CD8A: variants seen among roughly 807,000 people sequenced by gnomAD.
The protein encoded by CD8A is CD8 subunit alpha.
A neutral mutation model predicts 24.2 loss-of-function variants in CD8A; 25 were observed. The observed-to-expected ratio is 1.03, with a 90% CI of 0.75 to 1.44. The LOEUF is 1.44. CD8A is among the 40% of genes most tolerant of loss of function. The pLI is 0.00. For missense variants in CD8A, 360 were observed against 319.7 expected, an observed-to-expected ratio of 1.13 and a Z score of -0.96; for synonymous variants, 165 against 149.9, an observed-to-expected ratio of 1.10 and a Z score of -0.74.
intron 2 of CD8A, 71 bp from the exon 3 acceptor site, chr2:86,789,821 C>T: frequency 1.1e-6 from 1 of 887,076 alleles, no homozygotes. Flanking sequence ...CGGCCTCGCG[C>T]ACCTTTCCCC....
In CD8A at chr2:86,789,418, A is replaced by T; in HGVS notation, c.530T>A (p.Leu177Gln). 2 of 1,613,748 alleles carry T rather than the reference A, an allele frequency of 1.2e-6. No homozygotes were observed. The highest frequency in any genetic ancestry group is 1.3e-5 in the African/African-American group (1 of 75,072). The change falls in exon 4 of 6, where the codon CTG becomes CAG. Residue 177 changes from leucine (L) to glutamine (Q), a missense_variant. By Grantham distance (113) the Leu-to-Gln change is moderately radical (BLOSUM62 -2). Coordinates refer to ENST00000283635, the MANE Select transcript of CD8A (RefSeq NM_001768.7). ...GATGTAGATATCACAGGCGAAGTCC[A>T]GCCCCCTCGTGTGCACTGACGACAC... Reference protein sequence around the residue: ...AAGGAVHTRGLDFACDIYIWA... With the variant: ...AAGGAVHTRGQDFACDIYIWA...
intron 2 of CD8A, chr2:86,801,729 T>C (rs879776377): frequency 6.6e-6 from 1 of 152,188 alleles, no homozygotes; most frequent in African/African-American, 2.4e-5. Context: ...TATTTATTTA[T>C]GGAGACAAAA....
At position 86,785,260 on chromosome 2, in the gene CD8A, A is replaced by G; in HGVS notation, c.*660T>C. The G allele has an allele frequency of 2.2e-6, 1 of 451,634 alleles. No homozygotes were observed. Among genetic ancestry groups the G allele is most frequent in the African/African-American group, 2.0e-5 (1 of 49,000 alleles). The allele number at this position is 451,634 out of a possible 1,614,324, so 28.0% of individuals were successfully genotyped here. Reference sequence around the variant, plus strand: ...CTTCATTTTATTTTAGGTCTATACAATTTTAGGCTTGATTATAAAAAAAAA... The same window carrying G: ...CTTCATTTTATTTTAGGTCTATACAGTTTTAGGCTTGATTATAAAAAAAAA... On this transcript the variant is annotated 3_prime_UTR_variant, in exon 6 of 6. Transcript: ENST00000283635.
chr2:86,800,445 GAAA>G (rs753432338), intron 3 of CD8A, among the ~76,000 whole-genome samples: 1 of 80,702 alleles, frequency 1.2e-5, no homozygotes, highest in African/African-American at 4.6e-5. Context: ...CTGGGCGACA[GAAA>G]AAAAAAAAAA....
Position 86,790,760 on chromosome 2 carries a change from G to C in CD8A, c.49+17C>G, listed in dbSNP as rs764119617. 3.5e-6 allele frequency: 3 copies of C among 845,896 alleles called. No homozygotes were observed. The East Asian group carries it at 1.9e-4, about 52-fold the overall frequency. 52.4% of individuals were successfully genotyped at this position (845,896 alleles called of 1,614,324 possible). Reference sequence around the variant, plus strand: ...CGCCCGCCCCATCCCCTGCCTTCCCGGGCGTCTCAAACTCACGGAGCAGCA... The same window carrying C: ...CGCCCGCCCCATCCCCTGCCTTCCCCGGCGTCTCAAACTCACGGAGCAGCA... On this transcript the variant is annotated intron_variant, in intron 1 of 5. Transcript: ENST00000283635.
chr2:86,803,127 T>A lies in CD8A; in HGVS notation c.-417-1470A>T, dbSNP rs1438042940. ...TTATAGTGATGAAAAATGTTTGATG[T>A]CAAGTTAAAAGTGAGTAAAGAAGTA... On this transcript the variant is annotated intron_variant, in intron 2 of 8. Coordinates refer to the CD8A transcript ENST00000409511. Among the ~76,000 whole-genome samples, 8 of 152,332 alleles carry A rather than the reference T, an allele frequency of 5.3e-5. No homozygotes were observed. In the South Asian group the frequency reaches 1.2e-3, roughly 24 times the overall value.
upstream of CD8A, chr2:86,791,044 G>A (rs1188272396): frequency 2.8e-6 from 2 of 706,800 alleles, no homozygotes; most frequent in East Asian, 2.7e-5. Context: ...GCTGGGGCCC[G>A]TGAATAGGGC....
chr2:86,785,606 G>C lies in CD8A; in HGVS notation c.*314C>G. On this transcript the variant is annotated 3_prime_UTR_variant, in exon 6 of 6. Transcript: ENST00000283635. ...AACGGGCGGGGAAGAGGTTGAGATG[G>C]CATGGGTGCCTCCAGCTCTCTCAGC... 1.7e-6 allele frequency: 1 copy of C among 585,174 alleles called. No homozygotes were observed. Among genetic ancestry groups the C allele is most frequent in the South Asian group, 1.5e-5 (1 of 65,630 alleles). The allele number at this position is 585,174 out of a possible 1,614,324, so 36.2% of individuals were successfully genotyped here. A position where few individuals can be genotyped will look rare whatever the true frequency, so the allele number is the denominator to read the frequency against.
intron 2 of CD8A, among the ~76,000 whole-genome samples, chr2:86,806,884 A>AT (rs914140583): frequency 6.6e-6 from 1 of 152,130 alleles, no homozygotes; most frequent in African/African-American, 2.4e-5. Context: ...CAAAAAGAAA[A>AT]TTTTCCACTA....
At chr2:86,791,226 G>T, upstream of CD8A, 1 of 415,122 alleles carries the variant, frequency 2.4e-6, no homozygotes, top group Non-Finnish European at 4.6e-6. Flanking sequence ...CAGCAAAGGA[G>T]GGGAGTGTCC....
chr2:86,788,330 C>T (rs1434234800), intron 5 of CD8A, among the ~76,000 whole-genome samples, 200 bp downstream of exon 5: 1 of 151,158 alleles, frequency 6.6e-6, no homozygotes, highest in Non-Finnish European at 1.5e-5. Context: ...CCGCCTAACC[C>T]GGGCCTCCTT....
At chr2:86,798,471 G>C (rs570114522) in intron 3 of CD8A, among the ~76,000 whole-genome samples, 2 of 150,842 alleles carry the variant, frequency 1.3e-5, no homozygotes, top group Admixed American at 6.6e-5. Context: ...CACTGTGCCC[G>C]GCCAGAAACA....
upstream of CD8A, among the ~76,000 whole-genome samples, chr2:86,792,188 C>A (rs1420982880): frequency 1.3e-5 from 2 of 152,076 alleles, no homozygotes; most frequent in East Asian, 1.9e-4. Flanking sequence ...TGTCCTGAAA[C>A]CTTCCAGCTC....
At chr2:86,793,586 G>A (rs1203702690), upstream of CD8A, among the ~76,000 whole-genome samples, 1 of 152,212 alleles carries the variant, frequency 6.6e-6, no homozygotes, top group African/African-American at 2.4e-5. Flanking sequence ...AGCACCACCA[G>A]CACTGTATCA....
chr2:86,789,400 A>C lies in CD8A; in HGVS notation c.548T>G (p.Ile183Ser), dbSNP rs1345739399. ...CCCGGCCAAGGGCGCCCAGATGTAGATATCACAGGCGAAGTCCAGCCCCCT... is the reference window on the plus strand; with the variant it reads ...CCCGGCCAAGGGCGCCCAGATGTAGCTATCACAGGCGAAGTCCAGCCCCCT... ...HTRGLDFACD[I>S]YIWAPLAGTC... Residue 183 changes from isoleucine to serine, a missense_variant, in exon 4 of 6, where the codon ATC becomes AGC. Transcript: ENST00000283635. 6.2e-7 allele frequency: 1 copy of C among 1,613,926 alleles called. No individual in the cohort carries two copies. The highest frequency in any genetic ancestry group is 2.2e-5 in the East Asian group (1 of 44,862).
In CD8A at chr2:86,790,857, A is replaced by AG; in HGVS notation, c.-33dup. The AG allele has an allele frequency of 6.5e-7, 1 of 1,536,568 alleles. No homozygotes were observed. The highest frequency in any genetic ancestry group is 8.7e-7 in the Non-Finnish European group (1 of 1,146,006). ...CTCCCCAGGACGCTGCTTGGCTCGA[A>AG]GCTCGGGCGCGAGGGGAGGCGCGCG... On this transcript the variant is annotated 5_prime_UTR_variant, in exon 1 of 6. Transcript: ENST00000283635.
In CD8A at chr2:86,785,344, A is replaced by G. The variant is rs759977883; in HGVS notation, c.*576T>C. On this transcript the variant is annotated 3_prime_UTR_variant, in exon 6 of 6. Coordinates refer to ENST00000283635, the MANE Select transcript of CD8A (RefSeq NM_001768.7). The stretch of plus-strand genomic sequence containing the variant: ...CAAAGGCAGTTCTCTTCTTTAATTC[A>G]TTACCTCCTCGAGGCTCTGGGCACA... 2.2e-6 allele frequency: 1 copy of G among 454,014 alleles called. No individual in the cohort carries two copies. Among genetic ancestry groups the G allele is most frequent in the South Asian group, 1.6e-5 (1 of 64,468 alleles). 28.1% of individuals were successfully genotyped at this position (454,014 alleles called of 1,614,324 possible).
Position 86,790,566 on chromosome 2 carries a change from C to G in CD8A, c.165G>C (p.Ser55=), listed in dbSNP as rs767029287. 6.6e-5 allele frequency: 107 copies of G among 1,612,946 alleles called. No homozygotes were observed. Among genetic ancestry groups the G allele is most frequent in the Non-Finnish European group, 8.6e-5 (101 of 1,179,970 alleles). The change falls in exon 2 of 6, where the codon TCG becomes TCC. Residue 55 remains serine, a synonymous_variant. Coordinates refer to ENST00000283635, the MANE Select transcript of CD8A (RefSeq NM_001768.7). The part of the protein sequence containing the change: ...VLLSNPTSGC[S]WLFQPRGAAA... ...CGGCGCCGCGCGGCTGGAAGAGCCA[C>G]GAGCAGCCCGACGTCGGGTTGGACA...
intron 2 of CD8A, among the ~76,000 whole-genome samples, chr2:86,806,885 T>C (rs115789387): frequency 6.6e-6 from 1 of 152,042 alleles, no homozygotes; most frequent in Non-Finnish European, 1.5e-5. Context: ...AAAAAGAAAA[T>C]TTTCCACTAC....
Sources: gnomAD v4.1 joint callset for allele counts (sites outside exome capture counted in the v4.1 genomes callset) on GRCh38, gnomAD v4.1.1 for gene constraint, MANE v1.5 for transcripts, NCBI Gene and HGNC (gene_info 2026-07-23, HGNC 2026-07-21) for gene names.